Variants in ESRRB observed in about 807,000 individuals in gnomAD.
The protein encoded by ESRRB is steroid hormone receptor ERR2.
Under a neutral mutation model 46.0 loss-of-function variants are expected in ESRRB, and 16 were observed. That is an observed-to-expected ratio of 0.35 (90% CI 0.24 to 0.53). ESRRB has a LOEUF of 0.53. Among genes scored for constraint, ESRRB ranks in the 20% least tolerant of loss-of-function variants. ESRRB has a pLI of 0.93. For missense variants in ESRRB, 488 were observed against 607.4 expected (o/e 0.80, Z 2.07); for synonymous variants, 246 against 259.6 (o/e 0.95, Z 0.50).
upstream of ESRRB, among the ~76,000 whole-genome samples, chr14:76,375,157 C>T (rs1264521936): frequency 6.6e-6 from 1 of 150,718 alleles, no homozygotes; most frequent in Non-Finnish European, 1.5e-5. Flanking sequence ...CTATACCTAC[C>T]CCCCTCCCCA....
chr14:76,497,074 G>A (rs1229949500), intron 6 of ESRRB, among the ~76,000 whole-genome samples: 1 of 152,172 alleles, frequency 6.6e-6, no homozygotes, highest in Non-Finnish European at 1.5e-5. Context: ...GATGGAGAGG[G>A]CGGGGAGAGG....
At chr14:76,493,295 C>G (rs190287393) in intron 6 of ESRRB, among the ~76,000 whole-genome samples, 75 of 152,262 alleles carry the variant, frequency 4.9e-4, no homozygotes, top group Non-Finnish European at 9.7e-4. Context: ...GCTGGGACTA[C>G]ATGCGTGCAC....
chr14:76,337,921 T>C (rs980754037), intron 1 of ESRRB, among the ~76,000 whole-genome samples: 6 of 152,258 alleles, frequency 3.9e-5, no homozygotes, highest in African/African-American at 1.4e-4. Context: ...CTGTAGCTTC[T>C]GCTTTCCATG....
chr14:76,442,924 C>T (rs751519911), intron 2 of ESRRB, among the ~76,000 whole-genome samples: 1 of 150,444 alleles, frequency 6.6e-6, no homozygotes, highest in African/African-American at 2.4e-5. Context: ...AAGTGATTCT[C>T]CTGCCTCAGC....
intron 1 of ESRRB, among the ~76,000 whole-genome samples, chr14:76,383,480 G>A (rs886842164): frequency 1.3e-5 from 2 of 152,188 alleles, no homozygotes. Context: ...GTAAGGAAAT[G>A]CTATAGGAGA....
At chr14:76,457,776 G>A (rs759546974) in intron 2 of ESRRB, among the ~76,000 whole-genome samples, 20 of 152,094 alleles carry the variant, frequency 1.3e-4, no homozygotes, top group Non-Finnish European at 2.5e-4. Flanking sequence ...GGGTTTAAGC[G>A]ATTCTCCTGC....
chr14:76,500,965 G>A lies in ESRRB; in HGVS notation c.*2507G>A. Reference sequence around the variant, plus strand: ...TTCCTGGTACTGAAGGGGTCCATTGGACACTCAGAAAAGAAGTTCAGGGGC... The same window carrying A: ...TTCCTGGTACTGAAGGGGTCCATTGAACACTCAGAAAAGAAGTTCAGGGGC... On this transcript the variant is annotated 3_prime_UTR_variant, in exon 7 of 7. Transcript: ENST00000644823. 1.8e-6 allele frequency: 1 copy of A among 571,410 alleles called. No homozygotes were observed. Among genetic ancestry groups the A allele is most frequent in the Non-Finnish European group, 3.1e-6 (1 of 319,410 alleles). 35.4% of individuals were successfully genotyped at this position (571,410 alleles called of 1,614,324 possible). A position where few individuals can be genotyped will look rare whatever the true frequency, so the allele number is the denominator to read the frequency against.
chr14:76,324,747 C>T (rs1883907358), intron 1 of ESRRB, among the ~76,000 whole-genome samples: 1 of 152,098 alleles, frequency 6.6e-6, no homozygotes, highest in Non-Finnish European at 1.5e-5. Flanking sequence ...CATACGTACG[C>T]TTGGTGGAGG....
At chr14:76,402,338 G>C (rs1287100610) in intron 1 of ESRRB, among the ~76,000 whole-genome samples, 1 of 152,146 alleles carries the variant, frequency 6.6e-6, no homozygotes, top group Non-Finnish European at 1.5e-5. Flanking sequence ...CCCTGTCTTC[G>C]GCCTTCCAGG....
chr14:76,393,303 A>G (rs1026062533), intron 1 of ESRRB, among the ~76,000 whole-genome samples: 2 of 152,110 alleles, frequency 1.3e-5, no homozygotes, highest in African/African-American at 2.4e-5. Flanking sequence ...CCGTAGCTCC[A>G]GTAGACGCCC....
intron 1 of ESRRB, among the ~76,000 whole-genome samples, chr14:76,332,423 T>G (rs540660216): frequency 7.5e-6 from 1 of 134,064 alleles, no homozygotes; most frequent in African/African-American, 2.8e-5. Context: ...CTCCGCCTCC[T>G]GAGTAGCTGG....
upstream of ESRRB, among the ~76,000 whole-genome samples, chr14:76,368,755 G>A (rs1264897569): frequency 3.3e-5 from 5 of 152,266 alleles, no homozygotes; most frequent in East Asian, 3.9e-4. Flanking sequence ...TATGAAGCTC[G>A]AGCCTTCATG....
chr14:76,366,821 A>AGGTG (rs1393317363), upstream of ESRRB, among the ~76,000 whole-genome samples: 4 of 152,146 alleles, frequency 2.6e-5, no homozygotes. Context: ...GTGTTGAAGT[A>AGGTG]GGTGGGTGGG....
rs202023138 is a variant in ESRRB, at chr14:76,482,717, C to T, written c.808C>T (p.Arg270Ter). Residue 270 changes from arginine to a stop codon, truncating the protein, a stop_gained, in exon 5 of 7, where the codon CGA (arginine) becomes TGA (stop). Transcript: ENST00000644823. LOFTEE classifies it high-confidence loss of function. The surrounding 1 kb of genome is among the most constrained non-coding windows in gnomAD (Gnocchi z 4.3). ...GACCACTCTCTGTGACCTGGCAGACCGAGAGCTTGTGGTCATCATTGGCTG... is the reference window on the plus strand; with the variant it reads ...GACCACTCTCTGTGACCTGGCAGACTGAGAGCTTGTGGTCATCATTGGCTG... ...ALTTLCDLADRELVVIIGWAK... is the reference protein window; with the variant it reads ...ALTTLCDLAD 3.7e-6 allele frequency: 6 copies of T among 1,614,160 alleles called. No homozygotes were observed. The highest frequency in any genetic ancestry group is 2.2e-5 in the East Asian group (1 of 44,872).
chr14:76,312,666 A>G (rs947499618), intron 1 of ESRRB, among the ~76,000 whole-genome samples: 1 of 151,908 alleles, frequency 6.6e-6, no homozygotes, highest in Non-Finnish European at 1.5e-5. Flanking sequence ...TATTCTTCCT[A>G]TTATGAGGGC....
chr14:76,413,048 C>T (rs1886508933), intron 1 of ESRRB, among the ~76,000 whole-genome samples: 1 of 152,144 alleles, frequency 6.6e-6, no homozygotes, highest in South Asian at 2.1e-4. Context: ...AGTAACTGGT[C>T]ATTTTACCTC....
chr14:76,439,464 C>T lies in ESRRB; in HGVS notation c.174C>T (p.Gly58=). ...IDALSHHSPS[G]SSDASGGFGL... ...CCCTCAGCCACCACAGCCCCAGTGGCTCGTCCGACGCCAGCGGCGGCTTTG... is the reference window on the plus strand; with the variant it reads ...CCCTCAGCCACCACAGCCCCAGTGGTTCGTCCGACGCCAGCGGCGGCTTTG... Residue 58 remains glycine (G), a synonymous_variant, in exon 2 of 7, where the codon GGC becomes GGT. Transcript: ENST00000644823. 1 of 1,612,726 alleles carries T rather than the reference C, an allele frequency of 6.2e-7. No individual in the cohort carries two copies. Among genetic ancestry groups the T allele is most frequent in the Middle Eastern group, 1.7e-4 (1 of 6,058 alleles).
At chr14:76,377,116 G>A (rs1239773707) in intron 1 of ESRRB, among the ~76,000 whole-genome samples, 6 of 152,192 alleles carry the variant, frequency 3.9e-5, no homozygotes, top group Non-Finnish European at 7.3e-5. Context: ...GGAACAGAAG[G>A]GCACCATTTC....
intron 1 of ESRRB, among the ~76,000 whole-genome samples, chr14:76,400,319 A>C (rs1885884803): frequency 1.3e-5 from 2 of 152,166 alleles, no homozygotes; most frequent in Admixed American, 6.5e-5. Flanking sequence ...CTGAGAACAT[A>C]ATCTGGGGAG....
Sources: gnomAD v4.1 joint callset for allele counts (sites outside exome capture counted in the v4.1 genomes callset) on GRCh38, gnomAD v4.1.1 for gene constraint, Gnocchi (gnomAD v3.1) non-coding constraint, MANE v1.5 for transcripts, NCBI Gene and HGNC (gene_info 2026-07-23, HGNC 2026-07-21) for gene names.